Variants in DNAAF9 observed in about 807,000 individuals in gnomAD.
The protein encoded by DNAAF9 is shulin.
A neutral mutation model predicts 167.0 loss-of-function variants in DNAAF9; 90 were observed. That is an observed-to-expected ratio of 0.54 (90% CI 0.45 to 0.64). DNAAF9 has a LOEUF of 0.64. Among genes scored for constraint, DNAAF9 ranks in the 30% least tolerant of loss-of-function variants. DNAAF9 has a pLI of 0.00. For synonymous variants in DNAAF9, 491 were observed against 508.8 expected (o/e 0.96, Z 0.47); for missense variants, 1,315 against 1,442.2 (o/e 0.91, Z 1.43).
chr20:3,279,605 T>C (rs956299610), intron 28 of DNAAF9, among the ~76,000 whole-genome samples: 25 of 152,182 alleles, frequency 1.6e-4, no homozygotes, highest in African/African-American at 5.6e-4. Context: ...CTAACACTAA[T>C]GGGGATAGCT....
chr20:3,293,327 AT>A (rs1469749910), intron 25 of DNAAF9, among the ~76,000 whole-genome samples: 1 of 139,192 alleles, frequency 7.2e-6, no homozygotes, highest in African/African-American at 2.6e-5. Flanking sequence ...AAAGAGACTT[AT>A]GGTTCTGAAG....
At chr20:3,397,301 AT>A (rs1356205797) in intron 1 of DNAAF9, among the ~76,000 whole-genome samples, 1 of 132,896 alleles carries the variant, frequency 7.5e-6, no homozygotes, top group East Asian at 2.1e-4. Context: ...ATAGATGATT[AT>A]TTCTTTTTTT....
intron 28 of DNAAF9, among the ~76,000 whole-genome samples, chr20:3,280,653 T>C (rs1180775116): frequency 2.0e-5 from 3 of 152,044 alleles, no homozygotes; most frequent in Non-Finnish European, 4.4e-5. Flanking sequence ...CGTCTCACTG[T>C]TGCCCAGGTT....
At chr20:3,264,609 C>A in intron 30 of DNAAF9, 85 bp from the exon 31 acceptor site, 1 of 761,844 alleles carries the variant, frequency 1.3e-6, no homozygotes, top group Non-Finnish European at 2.3e-6. Context: ...CTCGCTCTGT[C>A]GCCAGGCTGG....
chr20:3,318,332 G>C lies in DNAAF9; in HGVS notation c.1425C>G (p.Phe475Leu), dbSNP rs757695791. ...GGNGCLGSVV[F>L]SESFLTSQIL... ...TCTGAGAAGTCAAAAATGATTCAGA[G>C]AAAACCACAGATCCTAAACAACCAT... Residue 475 changes from phenylalanine to leucine, a missense_variant, in exon 17 of 37, where the codon TTC becomes TTG. Coordinates refer to ENST00000252032, the MANE Select transcript of DNAAF9 (RefSeq NM_001009984.3). 1.2e-6 allele frequency: 2 copies of C among 1,600,290 alleles called. No homozygotes were observed. Among genetic ancestry groups the C allele is most frequent in the Non-Finnish European group, 1.7e-6 (2 of 1,169,086 alleles).
At chr20:3,368,567 C>CA (rs2083461754) in intron 6 of DNAAF9, among the ~76,000 whole-genome samples, 1 of 147,748 alleles carries the variant, frequency 6.8e-6, no homozygotes, top group African/African-American at 2.5e-5. Flanking sequence ...GGCTGGAGTG[C>CA]AGTGGCATGA....
rs946154060 is a variant in DNAAF9, at chr20:3,353,130, CAT to C, written c.691-4509_691-4508del. On this transcript the variant is annotated intron_variant, in intron 7 of 36. Transcript: ENST00000252032. The stretch of plus-strand genomic sequence containing the variant: ...ACAGATATATATAACATATATATAA[CAT>C]ATGTGTATATATATGTAAATAAATA... 3.4e-5 allele frequency among the ~76,000 whole-genome samples: 5 copies of C among 149,236 alleles called. 1 individual carries two copies. Among genetic ancestry groups the C allele is most frequent in the South Asian group, 4.2e-4 (2 of 4,792 alleles).
At chr20:3,406,529 C>A (rs762697184) in intron 1 of DNAAF9, among the ~76,000 whole-genome samples, 2 of 152,170 alleles carry the variant, frequency 1.3e-5, no homozygotes, top group South Asian at 2.1e-4. Flanking sequence ...AACCTCCACA[C>A]TGCGCCGGCG....
intron 20 of DNAAF9, among the ~76,000 whole-genome samples, chr20:3,307,463 AC>A (rs2069319663): frequency 6.6e-6 from 1 of 151,870 alleles, no homozygotes; most frequent in Admixed American, 6.6e-5. Context: ...TGAAGCAATA[AC>A]CCTTCTGGTA....
chr20:3,348,323 T>C (rs1160000702), intron 8 of DNAAF9, among the ~76,000 whole-genome samples: 1 of 152,022 alleles, frequency 6.6e-6, no homozygotes, highest in African/African-American at 2.4e-5. Flanking sequence ...ATCCTTCTAA[T>C]GGAGAAGCTG....
chr20:3,304,756 A>C (rs2069259347), intron 20 of DNAAF9, among the ~76,000 whole-genome samples: 1 of 152,226 alleles, frequency 6.6e-6, no homozygotes, highest in African/African-American at 2.4e-5. Flanking sequence ...TCTTTGCATA[A>C]GAATTAGAAA....
At chr20:3,391,574 CCTT>C (rs1312388392) in intron 1 of DNAAF9, among the ~76,000 whole-genome samples, 34 of 130,618 alleles carry the variant, frequency 2.6e-4, no homozygotes, top group Non-Finnish European at 4.4e-4. Context: ...AGTCTTTTTT[CCTT>C]CTTTTTTTTT....
At chr20:3,343,547 A>G (rs2070128478) in intron 9 of DNAAF9, 129 bp downstream of exon 9, 5 of 674,576 alleles carry the variant, frequency 7.4e-6, no homozygotes, top group Middle Eastern at 5.0e-4. Flanking sequence ...TTACCCTGTG[A>G]TAACTAAAGT....
intron 3 of DNAAF9, among the ~76,000 whole-genome samples, chr20:3,380,608 C>A (rs2083636102): frequency 6.6e-6 from 1 of 152,206 alleles, no homozygotes; most frequent in Admixed American, 6.5e-5. Flanking sequence ...GACAAAACTG[C>A]CCCCAGTTGG....
chr20:3,322,439 T>C (rs998466103), intron 15 of DNAAF9, among the ~76,000 whole-genome samples, 177 bp from the exon 16 acceptor site: 1 of 152,082 alleles, frequency 6.6e-6, no homozygotes, highest in Admixed American at 6.5e-5. Flanking sequence ...CTAAGGTGAG[T>C]ATGTCCATCC....
intron 3 of DNAAF9, among the ~76,000 whole-genome samples, chr20:3,380,223 T>C (rs1174557996): frequency 6.6e-6 from 1 of 152,204 alleles, no homozygotes. Flanking sequence ...AGATGTTGTA[T>C]AGCGTAAGGA....
chr20:3,333,173 A>T (rs2069872022), intron 10 of DNAAF9, among the ~76,000 whole-genome samples: 1 of 152,124 alleles, frequency 6.6e-6, no homozygotes, highest in African/African-American at 2.4e-5. Flanking sequence ...AACCATTTGT[A>T]TTTCATCTCT....
At chr20:3,377,636 T>A (rs932098680) in intron 3 of DNAAF9, among the ~76,000 whole-genome samples, 9 of 152,046 alleles carry the variant, frequency 5.9e-5, no homozygotes, top group Non-Finnish European at 8.8e-5. Context: ...TTTTATTTTT[T>A]TTTTGTAGAG....
At chr20:3,377,607 G>A (rs113104836) in intron 3 of DNAAF9, among the ~76,000 whole-genome samples, 4,533 of 151,930 alleles carry the variant, frequency 0.03, 96 homozygotes, top group African/African-American at 0.056. Context: ...ACAGGTGAGC[G>A]CCACCATGCC....
Sources: allele counts gnomAD v4.1 joint callset (sites outside exome capture counted in the v4.1 genomes callset), GRCh38; gene constraint gnomAD v4.1.1; transcripts MANE v1.5; gene names NCBI Gene and HGNC (gene_info 2026-07-23, HGNC 2026-07-21).